Variants in DDX55 observed in about 807,000 individuals in gnomAD.
DDX55 encodes ATP-dependent RNA helicase DDX55.
A neutral mutation model predicts 69.2 loss-of-function variants in DDX55; 56 were observed. The observed-to-expected ratio is 0.81, with a 90% CI of 0.65 to 1.01. The LOEUF is 1.01. Ranked by LOEUF, DDX55 falls within the 50% of genes least tolerant of loss-of-function variation. The probability of loss-of-function intolerance (pLI) is 0.00; values close to 1 mark genes in which losing one functional copy is unlikely to be tolerated. For synonymous variants in DDX55, 268 were observed against 273.1 expected, an observed-to-expected ratio of 0.98 and a Z score of 0.18; for missense variants, 720 against 745.1, an observed-to-expected ratio of 0.97 and a Z score of 0.39.
rs770873656 is a variant in DDX55, at chr12:123,616,553, T to C, written c.999T>C (p.Asp333=). ...VCTDVMARGI[D]IPEVNWVLQY... ...CTGATGTGATGGCCCGGGGAATTGA[T>C]ATTCCTGAAGTCAACTGGGTTTTGC... is the stretch of plus-strand genomic sequence containing the variant. The change falls in exon 10 of 14, where the codon GAT becomes GAC. Residue 333 remains aspartate (D), a synonymous_variant. Coordinates refer to ENST00000238146, the MANE Select transcript of DDX55 (RefSeq NM_020936.3). The C allele has an allele frequency of 1.2e-6, 2 of 1,614,172 alleles. No homozygotes were observed. The highest frequency in any genetic ancestry group is 1.7e-5 in the Admixed American group (1 of 60,010).
chr12:123,610,101 C>T lies in DDX55; in HGVS notation c.714C>T (p.Thr238=). 1.2e-6 allele frequency: 2 copies of T among 1,613,748 alleles called. No individual in the cohort carries two copies. The highest frequency in any genetic ancestry group is 1.7e-6 in the Non-Finnish European group (2 of 1,179,908). The change falls in exon 7 of 14, where the codon ACC becomes ACT. Residue 238 remains threonine, a synonymous_variant. Coordinates refer to ENST00000238146, the MANE Select transcript of DDX55 (RefSeq NM_020936.3). ...KGVAASSAQK[T]PSRLENYYMV... ...TGGCAGCCAGCAGTGCCCAGAAGAC[C>T]CCCTCCCGCCTGGAAAACTACTACA...
At chr12:123,609,717 A>G (rs963450247) in intron 6 of DDX55, among the ~76,000 whole-genome samples, 1 of 152,154 alleles carries the variant, frequency 6.6e-6, no homozygotes, top group African/African-American at 2.4e-5. Flanking sequence ...TATAATTCAC[A>G]TATCATTATA....
chr12:123,611,192 C>A (rs1205764594), intron 7 of DDX55, among the ~76,000 whole-genome samples: 2 of 152,224 alleles, frequency 1.3e-5, no homozygotes, highest in Non-Finnish European at 2.9e-5. Context: ...AGCCATCATG[C>A]CTGGCCCAAA....
intron 6 of DDX55, among the ~76,000 whole-genome samples, 172 bp from the exon 7 acceptor site, chr12:123,609,767 G>C (rs187897491): frequency 7.9e-5 from 12 of 152,272 alleles, no homozygotes; most frequent in Admixed American, 5.9e-4. Context: ...AAAAATGAAA[G>C]TATAAAGAAG....
chr12:123,613,044 G>C, intron 7 of DDX55, 126 bp from the exon 8 acceptor site: 3 of 923,464 alleles, frequency 3.2e-6, no homozygotes, highest in Middle Eastern at 6.3e-4. Flanking sequence ...TTAACATTCC[G>C]ACTAAAGTCT....
chr12:123,606,101 T>C lies in DDX55; in HGVS notation c.188T>C (p.Phe63Ser), dbSNP rs750439210. Residue 63 changes from phenylalanine to serine, a missense_variant, in exon 3 of 14, where the codon TTT becomes TCT. Coordinates refer to ENST00000238146, the MANE Select transcript of DDX55 (RefSeq NM_020936.3). The stretch of plus-strand genomic sequence containing the variant: ...ACAGGTAGTGGCAAAACACTCGCTT[T>C]TGTCATCCCCATCCTGGAAATTCTT... ...AVTGSGKTLAFVIPILEILLR... is the reference protein window; with the variant it reads ...AVTGSGKTLASVIPILEILLR... 1.9e-6 allele frequency: 3 copies of C among 1,614,140 alleles called. No homozygotes were observed. In the Admixed American group the frequency reaches 5.0e-5, roughly 27 times the overall value.
intron 5 of DDX55, 162 bp downstream of exon 5, chr12:123,607,824 T>C (rs1018925635): frequency 1.1e-6 from 1 of 922,336 alleles, no homozygotes; most frequent in Non-Finnish European, 1.7e-6. Context: ...CTTTGCTGGC[T>C]CCTTCCCATA....
At chr12:123,611,524 A>T (rs1027303844) in intron 7 of DDX55, among the ~76,000 whole-genome samples, 8 of 152,168 alleles carry the variant, frequency 5.3e-5, no homozygotes, top group African/African-American at 1.9e-4. Flanking sequence ...TTAGGCCTGG[A>T]GGGGTTCCCT....
intron 1 of DDX55, among the ~76,000 whole-genome samples, chr12:123,602,843 G>A (rs368271693): frequency 8.5e-5 from 13 of 152,202 alleles, no homozygotes; most frequent in African/African-American, 3.1e-4. Context: ...TAAGACGGTT[G>A]TGATAGTGTC....
chr12:123,610,258 G>A, intron 7 of DDX55, 130 bp downstream of exon 7: 1 of 1,213,614 alleles, frequency 8.2e-7, no homozygotes, highest in Non-Finnish European at 1.1e-6. Context: ...GAGCTAGCTA[G>A]GGCAAATGGC....
rs1955078578 is a variant in DDX55 at position 123,620,731 on chromosome 12, A to G, written c.*591A>G. 1 of 150,758 alleles carries G rather than the reference A, an allele frequency of 6.6e-6. No homozygotes were observed. The highest frequency in any genetic ancestry group is 6.6e-5 in the Admixed American group (1 of 15,054). The allele number at this position is 150,758 out of a possible 1,614,324, so 9.3% of individuals were successfully genotyped here. On this transcript the variant is annotated 3_prime_UTR_variant, in exon 14 of 14. Transcript: ENST00000238146. The stretch of plus-strand genomic sequence containing the variant: ...AAACCATTCCTCAGTATCTTCAGGC[A>G]TTTGACCTCCTGAATGTGCTTGGCC...
intron 8 of DDX55, among the ~76,000 whole-genome samples, chr12:123,613,544 G>A (rs1199453671): frequency 6.6e-6 from 1 of 152,054 alleles, no homozygotes; most frequent in Non-Finnish European, 1.5e-5. Flanking sequence ...CATGGATTCT[G>A]GATGACCACT....
chr12:123,608,922 T>A, intron 6 of DDX55, 93 bp downstream of exon 6: 2 of 1,080,034 alleles, frequency 1.9e-6, no homozygotes, highest in Non-Finnish European at 2.5e-6. Flanking sequence ...TGACTAGGTA[T>A]TTTTATTTTT....
At chr12:123,613,722 A>G (rs34097324) in intron 8 of DDX55, among the ~76,000 whole-genome samples, 43,174 of 152,132 alleles carry the variant, frequency 0.28, 6,664 homozygotes, top group African/African-American at 0.36. Context: ...TAGGGGCCAA[A>G]AGTGGGTCAC....
chr12:123,608,100 CAT>C (rs1467907024), intron 5 of DDX55: 12 of 215,454 alleles, frequency 5.6e-5, no homozygotes, highest in Non-Finnish European at 7.5e-5. Flanking sequence ...ATTTGAAAAA[CAT>C]ATCTTGTAGG....
chr12:123,609,965 C>T lies in DDX55; in HGVS notation c.578C>T (p.Pro193Leu). The T allele has an allele frequency of 6.2e-7, 1 of 1,613,600 alleles. No homozygotes were observed. The highest frequency in any genetic ancestry group is 8.5e-7 in the Non-Finnish European group (1 of 1,179,898). ...ATCAACACCATTCTGGAGTTTTTGC[C>T]AAAGCAGAGGAGAACAGGCCTTTTC... ...ASINTILEFL[P>L]KQRRTGLFSA... Residue 193 changes from proline to leucine, a missense_variant, in exon 7 of 14, where the codon CCA becomes CTA. Physicochemically the swap from Pro to Leu is moderately conservative, Grantham distance 98 (BLOSUM62 -3). Transcript: ENST00000238146.
At chr12:123,602,346 A>C in intron 1 of DDX55, 90 bp downstream of exon 1, 1 of 1,222,008 alleles carries the variant, frequency 8.2e-7, no homozygotes, top group Non-Finnish European at 1.1e-6. Context: ...GACAGATCTG[A>C]GCCCTGGGGC....
At position 123,605,925 on chromosome 12, in the gene DDX55, C is replaced by G. The variant is rs746018478; in HGVS notation, c.109-6C>G. 6.2e-7 allele frequency: 1 copy of G among 1,614,172 alleles called. No homozygotes were observed. Among genetic ancestry groups the G allele is most frequent in the Admixed American group, 1.7e-5 (1 of 60,018 alleles). ...TTAACCAGTGCTTTGCAATCTCTCT[C>G]TTTAGTCCGCAACCATCCCTCTGTT... On this transcript the variant is annotated splice_polypyrimidine_tract_variant and splice_region_variant and intron_variant, in intron 1 of 13. Coordinates refer to ENST00000238146, the MANE Select transcript of DDX55 (RefSeq NM_020936.3).
Position 123,618,737 on chromosome 12 carries a change from C to T in DDX55, c.1233C>T (p.Ala411=), listed in dbSNP as rs1954902145. ...ADLLPKLKSM[A]LADRAVFEKG... is the part of the protein sequence containing the mutation. ...TTCTGCCAAAACTCAAGTCCATGGC[C>T]CTGGCTGACAGAGCTGTGTTTGAAA... The change falls in exon 12 of 14, where the codon GCC becomes GCT. Residue 411 remains alanine, a synonymous_variant. Transcript: ENST00000238146. 1 of 1,613,984 alleles carries T rather than the reference C, an allele frequency of 6.2e-7. No individual in the cohort carries two copies. Among genetic ancestry groups the T allele is most frequent in the African/African-American group, 1.3e-5 (1 of 74,888 alleles).
Sources: gnomAD v4.1 joint callset for allele counts (sites outside exome capture counted in the v4.1 genomes callset) on GRCh38, gnomAD v4.1.1 for gene constraint, MANE v1.5 for transcripts, NCBI Gene and HGNC (gene_info 2026-07-23, HGNC 2026-07-21) for gene names.